The following FCHSD2 variants were observed in gnomAD, a reference collection of about 807,000 sequenced individuals.
FCHSD2 encodes the protein F-BAR and double SH3 domains protein 2.
FCHSD2 carries 38 observed loss-of-function variants against 108.1 expected under a neutral mutation model. The ratio of observed to expected loss-of-function variants is 0.35; its 90% CI spans 0.27 to 0.46. The LOEUF is 0.46. Among genes scored for constraint, FCHSD2 ranks in the 20% least tolerant of loss-of-function variants. FCHSD2 has a pLI of 1.00. For synonymous variants in FCHSD2, 279 were observed against 314.7 expected (o/e 0.89, Z 1.20); for missense variants, 751 against 897.8 (o/e 0.84, Z 2.09).
At chr11:72,983,159 TG>T (rs1857247090) in intron 8 of FCHSD2, among the ~76,000 whole-genome samples, 1 of 151,254 alleles carries the variant, frequency 6.6e-6, no homozygotes, top group Non-Finnish European at 1.5e-5. Context: ...CTGGGCGTAG[TG>T]GCGGGCGCCT....
chr11:73,045,884 A>T (rs1232143002), intron 3 of FCHSD2, among the ~76,000 whole-genome samples: 7 of 152,090 alleles, frequency 4.6e-5, no homozygotes, highest in African/African-American at 1.4e-4. Flanking sequence ...AACCTGCACA[A>T]TGTGCACATG....
chr11:72,955,412 A>G (rs1856694048), intron 8 of FCHSD2, among the ~76,000 whole-genome samples: 1 of 152,136 alleles, frequency 6.6e-6, no homozygotes, highest in Non-Finnish European at 1.5e-5. Context: ...ACCCTCCAGG[A>G]GGCTCCCCGA....
chr11:73,115,449 C>T (rs936226474), intron 2 of FCHSD2, among the ~76,000 whole-genome samples: 2 of 152,182 alleles, frequency 1.3e-5, no homozygotes, highest in Admixed American at 6.5e-5. Flanking sequence ...AGCCACTGCG[C>T]CCGCCCTATC....
Position 72,841,534 on chromosome 11 carries a change from T to G in FCHSD2, c.1976A>C (p.Tyr659Ser), listed in dbSNP as rs759205526. The change falls in exon 18 of 20, where the codon TAC becomes TCC. Residue 659 changes from tyrosine to serine, a missense_variant. Physicochemically the swap from Tyr to Ser is moderately radical, Grantham distance 144. Transcript: ENST00000409418. Reference sequence around the variant, plus strand: ...GTAGGGGCTGCTGGGAGGCTGGTCGTACAACGGCAGTGGAGGCAGGGAGGC... The same window carrying G: ...GTAGGGGCTGCTGGGAGGCTGGTCGGACAACGGCAGTGGAGGCAGGGAGGC... ...PHASLPPLPL[Y>S]DQPPSSPYPS... 1 of 1,611,110 alleles carries G rather than the reference T, an allele frequency of 6.2e-7. No individual in the cohort carries two copies. Among genetic ancestry groups the G allele is most frequent in the African/African-American group, 1.3e-5 (1 of 74,744 alleles).
At chr11:73,023,179 G>T (rs1322188131) in intron 3 of FCHSD2, among the ~76,000 whole-genome samples, 2 of 151,936 alleles carry the variant, frequency 1.3e-5, no homozygotes, top group African/African-American at 4.8e-5. Flanking sequence ...ACACATGAAA[G>T]AAAAATGATA....
intron 13 of FCHSD2, among the ~76,000 whole-genome samples, chr11:72,861,420 CAG>C (rs1861571851): frequency 6.6e-6 from 1 of 150,576 alleles, no homozygotes; most frequent in Non-Finnish European, 1.5e-5. Flanking sequence ...ACTCCAGGAC[CAG>C]ATAACAGCCC....
chr11:72,889,252 C>A (rs532594097), intron 11 of FCHSD2, among the ~76,000 whole-genome samples: 1 of 152,180 alleles, frequency 6.6e-6, no homozygotes. Context: ...TGAGCCACCG[C>A]GCCCGGCTAT....
intron 5 of FCHSD2, among the ~76,000 whole-genome samples, chr11:72,989,956 G>C (rs1011487635): frequency 6.6e-6 from 1 of 152,148 alleles, no homozygotes; most frequent in African/African-American, 2.4e-5. Flanking sequence ...GAATAGTGTG[G>C]AGGAGGGCAA....
intron 8 of FCHSD2, among the ~76,000 whole-genome samples, chr11:72,963,063 T>C (rs1166234533): frequency 6.6e-6 from 1 of 152,160 alleles, no homozygotes; most frequent in Non-Finnish European, 1.5e-5. Flanking sequence ...TAGCACCTAC[T>C]ACAGAGAGTT....
intron 3 of FCHSD2, among the ~76,000 whole-genome samples, chr11:73,038,386 T>C (rs1487275089): frequency 6.6e-6 from 1 of 151,814 alleles, no homozygotes; most frequent in Non-Finnish European, 1.5e-5. Context: ...TGATGACTGA[T>C]TGATTCTTAA....
chr11:72,868,421 A>T (rs1854777863), intron 12 of FCHSD2, among the ~76,000 whole-genome samples: 1 of 152,164 alleles, frequency 6.6e-6, no homozygotes, highest in African/African-American at 2.4e-5. Context: ...TAGCTAGGTG[A>T]TGGGTTGATC....
intron 2 of FCHSD2, among the ~76,000 whole-genome samples, chr11:73,106,206 G>A (rs1860338321): frequency 6.6e-6 from 1 of 152,054 alleles, no homozygotes; most frequent in African/African-American, 2.4e-5. Context: ...CAAGGAGTTC[G>A]AGACCAGCCT....
intron 2 of FCHSD2, among the ~76,000 whole-genome samples, chr11:73,132,257 T>G (rs1429056445): frequency 8.5e-5 from 13 of 152,254 alleles, no homozygotes. Flanking sequence ...ACATTCTTCC[T>G]GGACTTCAAT....
At chr11:73,077,097 C>CAAA (rs372641793) in intron 3 of FCHSD2, among the ~76,000 whole-genome samples, 2 of 72,480 alleles carry the variant, frequency 2.8e-5, no homozygotes, top group Non-Finnish European at 5.0e-5. Flanking sequence ...GACTCTGTCT[C>CAAA]AAAAAAAAAA....
chr11:73,096,114 T>C (rs1327334091), intron 2 of FCHSD2, among the ~76,000 whole-genome samples: 1 of 151,886 alleles, frequency 6.6e-6, no homozygotes, highest in Non-Finnish European at 1.5e-5. Flanking sequence ...AGACGTAAAA[T>C]TTTTAAGAGA....
chr11:72,933,888 C>T (rs1856244176), intron 8 of FCHSD2, among the ~76,000 whole-genome samples: 1 of 151,942 alleles, frequency 6.6e-6, no homozygotes, highest in Non-Finnish European at 1.5e-5. Flanking sequence ...GTGGGCGTAT[C>T]ACTTGAGCCC....
intron 3 of FCHSD2, among the ~76,000 whole-genome samples, chr11:73,023,343 A>C (rs958238779): frequency 2.0e-5 from 3 of 152,224 alleles, no homozygotes; most frequent in Admixed American, 2.0e-4. Flanking sequence ...TTCAACAGTA[A>C]GAAAAAAATC....
At chr11:72,992,312 A>G (rs1356638153) in intron 5 of FCHSD2, among the ~76,000 whole-genome samples, 2 of 152,226 alleles carry the variant, frequency 1.3e-5, no homozygotes, top group Non-Finnish European at 2.9e-5. Context: ...AGAAAGAATC[A>G]ATATCGTGAA....
intron 13 of FCHSD2, among the ~76,000 whole-genome samples, chr11:72,863,253 C>A (rs1854640253): frequency 6.6e-6 from 1 of 151,564 alleles, no homozygotes; most frequent in Admixed American, 6.6e-5. Context: ...GACAATGATG[C>A]AAAGGCAATT....
Sources: allele counts gnomAD v4.1 joint callset (sites outside exome capture counted in the v4.1 genomes callset), GRCh38; gene constraint gnomAD v4.1.1; transcripts MANE v1.5; gene names NCBI Gene and HGNC (gene_info 2026-07-23, HGNC 2026-07-21).